The following ST18 variants were observed in gnomAD, a reference collection of about 807,000 sequenced individuals.
The protein encoded by ST18 is ST18 C2H2C-type zinc finger transcription factor.
A neutral mutation model predicts 110.0 loss-of-function variants in ST18; 50 were observed. That is an observed-to-expected ratio of 0.45 (90% CI 0.36 to 0.58). The LOEUF (loss-of-function observed/expected upper bound fraction) is 0.58. Ranked by LOEUF, ST18 falls within the 20% of genes least tolerant of loss-of-function variation. The pLI, the probability that ST18 is intolerant of heterozygous loss-of-function variation, is 0.00. For missense variants in ST18, 1,306 were observed against 1,280.1 expected (o/e 1.02, Z -0.31); for synonymous variants, 461 against 452.4 (o/e 1.02, Z -0.24).
intron 9 of ST18, among the ~76,000 whole-genome samples, chr8:52,179,104 A>C (rs1309321808): frequency 6.6e-6 from 1 of 152,194 alleles, no homozygotes; most frequent in Non-Finnish European, 1.5e-5. Context: ...ATTCACATTC[A>C]GAAAAAAATC....
chr8:52,340,370 CAT>C, intron 2 of ST18, among the ~76,000 whole-genome samples: 1 of 152,330 alleles, frequency 6.6e-6, no homozygotes, highest in Non-Finnish European at 1.5e-5. Flanking sequence ...GTTCCTGACT[CAT>C]ATGAATAAAC....
chr8:52,234,836 C>T (rs888498195), intron 2 of ST18, among the ~76,000 whole-genome samples: 9 of 151,232 alleles, frequency 6.0e-5, no homozygotes, highest in Non-Finnish European at 1.2e-4. Flanking sequence ...GGGTTGGAGA[C>T]CATTAGTCTA....
chr8:52,122,106 G>A (rs1370080517), intron 23 of ST18, among the ~76,000 whole-genome samples: 1 of 152,268 alleles, frequency 6.6e-6, no homozygotes, highest in South Asian at 2.1e-4. Context: ...GCCTCCCAAA[G>A]TGCTGGGATT....
intron 2 of ST18, among the ~76,000 whole-genome samples, chr8:52,323,416 G>C (rs1427995294): frequency 6.6e-6 from 1 of 152,188 alleles, no homozygotes; most frequent in Non-Finnish European, 1.5e-5. Flanking sequence ...TTGTCACAAA[G>C]GAGAAAGATC....
intron 2 of ST18, among the ~76,000 whole-genome samples, chr8:52,279,409 G>A (rs1394627099): frequency 6.6e-6 from 1 of 152,058 alleles, no homozygotes; most frequent in African/African-American, 2.4e-5. Context: ...GTTATGAAAA[G>A]ATTTGGAACA....
intron 9 of ST18, among the ~76,000 whole-genome samples, chr8:52,178,630 AAAAAAAAAAAAAAC>A (rs1470993239): frequency 3.8e-5 from 5 of 130,748 alleles, no homozygotes; most frequent in Admixed American, 2.9e-4. Flanking sequence ...AAAAAAAAAA[AAAAAAAAAAAAAAC>A]CACCAAAAAC....
chr8:52,125,184 A>C (rs1285246123), intron 23 of ST18, among the ~76,000 whole-genome samples: 1 of 152,172 alleles, frequency 6.6e-6, no homozygotes, highest in African/African-American at 2.4e-5. Flanking sequence ...GTGTCTCTGA[A>C]CTTGGAGAGG....
At chr8:52,366,203 C>A (rs1475547957) in intron 2 of ST18, among the ~76,000 whole-genome samples, 1 of 152,066 alleles carries the variant, frequency 6.6e-6, no homozygotes, top group African/African-American at 2.4e-5. Context: ...AGCCCAGAGC[C>A]CACCTGTTCC....
At chr8:52,121,660 C>G (rs1242523410) in intron 23 of ST18, among the ~76,000 whole-genome samples, 1 of 152,106 alleles carries the variant, frequency 6.6e-6, no homozygotes, top group South Asian at 2.1e-4. Flanking sequence ...CAAATATAAG[C>G]TCTCTGGTTC....
chr8:52,134,243 C>T (rs925970039), intron 19 of ST18, among the ~76,000 whole-genome samples: 1 of 152,146 alleles, frequency 6.6e-6, no homozygotes, highest in Non-Finnish European at 1.5e-5. Flanking sequence ...TCAATAACTA[C>T]ACCAACAATC....
chr8:52,168,965 G>A (rs2063888450), intron 10 of ST18, among the ~76,000 whole-genome samples: 1 of 152,054 alleles, frequency 6.6e-6, no homozygotes, highest in Admixed American at 6.6e-5. Context: ...CTTGGACCTT[G>A]CCCAGGTAAG....
chr8:52,163,489 T>C (rs952332819), intron 13 of ST18, among the ~76,000 whole-genome samples: 1 of 152,170 alleles, frequency 6.6e-6, no homozygotes, highest in African/African-American at 2.4e-5. Context: ...CCAGGACCAA[T>C]AGGAGATACT....
chr8:52,402,013 G>C (rs1420357520), intron 2 of ST18, among the ~76,000 whole-genome samples: 3 of 152,146 alleles, frequency 2.0e-5, no homozygotes, highest in Admixed American at 2.0e-4. Context: ...GCTTCTGAGT[G>C]GGTGCAGTAA....
intron 11 of ST18, 29 bp from the exon 12 acceptor site, chr8:52,165,254 G>T (rs1316173306): frequency 1.9e-6 from 3 of 1,607,678 alleles, no homozygotes; most frequent in African/African-American, 1.3e-5. Context: ...ATAAAGGAAA[G>T]AATACTTTAC....
At chr8:52,323,262 C>A (rs1804816554) in intron 2 of ST18, among the ~76,000 whole-genome samples, 1 of 152,188 alleles carries the variant, frequency 6.6e-6, no homozygotes, top group Non-Finnish European at 1.5e-5. Context: ...ACAGATGTTC[C>A]ATTTGATCTG....
intron 2 of ST18, among the ~76,000 whole-genome samples, chr8:52,287,905 A>G (rs1394393604): frequency 6.6e-6 from 1 of 152,194 alleles, no homozygotes; most frequent in Non-Finnish European, 1.5e-5. Context: ...CAAGAGACCC[A>G]GGGACCAAGC....
chr8:52,271,205 C>T (rs1239669957), intron 2 of ST18, among the ~76,000 whole-genome samples: 1 of 152,082 alleles, frequency 6.6e-6, no homozygotes, highest in South Asian at 2.1e-4. Flanking sequence ...TTATAATTAT[C>T]TCGAAAAAGA....
chr8:52,288,665 G>A (rs1349369316), intron 2 of ST18, among the ~76,000 whole-genome samples: 1 of 150,830 alleles, frequency 6.6e-6, no homozygotes, highest in East Asian at 1.9e-4. Context: ...CTGCACTCCA[G>A]TCTGGGTGGT....
intron 2 of ST18, among the ~76,000 whole-genome samples, chr8:52,259,768 G>T (rs1412060607): frequency 6.6e-6 from 1 of 152,110 alleles, no homozygotes; most frequent in Non-Finnish European, 1.5e-5. Context: ...AGACTCAGAT[G>T]GTTTGTCACA....
Sources: allele counts gnomAD v4.1 joint callset (sites outside exome capture counted in the v4.1 genomes callset), GRCh38; gene constraint gnomAD v4.1.1; transcripts MANE v1.5; gene names NCBI Gene and HGNC (gene_info 2026-07-23, HGNC 2026-07-21).